Variants in B4GALT1 observed in about 807,000 individuals in gnomAD.
The protein encoded by B4GALT1 is N-acetyllactosamine synthase.
In B4GALT1, 16 loss-of-function variants were observed where a neutral mutation model predicts 34.9. That is an observed-to-expected ratio of 0.46 (90% confidence interval 0.31 to 0.70). B4GALT1 has a LOEUF of 0.70. B4GALT1 is among the 30% of genes least tolerant of loss of function. B4GALT1 has a pLI of 0.05. For synonymous variants in B4GALT1, 221 were observed against 218.1 expected, an observed-to-expected ratio of 1.01 and a Z score of -0.12; for missense variants, 445 against 530.5, an observed-to-expected ratio of 0.84 and a Z score of 1.58.
In B4GALT1 at chr9:33,113,326, G is replaced by A; in HGVS notation, c.*128C>T. 14 of 1,414,134 alleles carry A rather than the reference G, an allele frequency of 9.9e-6. No homozygotes were observed. The highest frequency in any genetic ancestry group is 1.4e-5 in the Non-Finnish European group (14 of 1,002,102). 87.6% of individuals were successfully genotyped at this position (1,414,134 alleles called of 1,614,324 possible). The stretch of plus-strand genomic sequence containing the variant: ...GTCCTGGTCATCTGGAAAGCCATCT[G>A]AATGATGAGCGAAGGGGACCTGTCA... On this transcript the variant is annotated 3_prime_UTR_variant, in exon 6 of 6. Coordinates refer to ENST00000379731, the MANE Select transcript of B4GALT1 (RefSeq NM_001497.4).
chr9:33,113,000 T>A lies in B4GALT1; in HGVS notation c.*454A>T, dbSNP rs569460810. The A allele has an allele frequency of 1.3e-4, 34 of 260,306 alleles. No homozygotes were observed. The highest frequency in any genetic ancestry group is 2.4e-4 in the Non-Finnish European group (31 of 131,270). 16.1% of individuals were successfully genotyped at this position (260,306 alleles called of 1,614,324 possible). A position where few individuals can be genotyped will look rare whatever the true frequency, so the allele number is the denominator to read the frequency against. On this transcript the variant is annotated 3_prime_UTR_variant, in exon 6 of 6. Coordinates refer to ENST00000379731, the MANE Select transcript of B4GALT1 (RefSeq NM_001497.4). Reference sequence around the variant, plus strand: ...ACGTAACATTAAGAATGGTTGAAATTTTGTGTTTTTCTGTTAAATTACAAC... The same window carrying A: ...ACGTAACATTAAGAATGGTTGAAATATTGTGTTTTTCTGTTAAATTACAAC...
At position 33,167,056 on chromosome 9, in the gene B4GALT1, G is replaced by C. The variant is rs968570114; in HGVS notation, c.114C>G (p.Leu38=). ...AVCALHLGVT[L]VYYLAGRDLS... ...GGTCGCGGCCAGCCAGGTAGTAAACGAGGGTGACGCCAAGGTGCAGAGCGC... is the reference window on the plus strand; with the variant it reads ...GGTCGCGGCCAGCCAGGTAGTAAACCAGGGTGACGCCAAGGTGCAGAGCGC... Residue 38 remains leucine (L), a synonymous_variant, in exon 1 of 6, where the codon CTC becomes CTG. Coordinates refer to ENST00000379731, the MANE Select transcript of B4GALT1 (RefSeq NM_001497.4). 2 of 1,602,330 alleles carry C rather than the reference G, an allele frequency of 1.2e-6. No individual in the cohort carries two copies. The highest frequency in any genetic ancestry group is 1.3e-5 in the African/African-American group (1 of 74,910).
chr9:33,137,084 T>C (rs1414914617), intron 1 of B4GALT1, among the ~76,000 whole-genome samples: 1 of 152,174 alleles, frequency 6.6e-6, no homozygotes, highest in African/African-American at 2.4e-5. Context: ...TTTGTTTTCT[T>C]CTGAGATACA....
chr9:33,139,343 A>G (rs1587739929), intron 1 of B4GALT1, among the ~76,000 whole-genome samples: 1 of 152,038 alleles, frequency 6.6e-6, no homozygotes, highest in Non-Finnish European at 1.5e-5. Flanking sequence ...TTATCACTGA[A>G]CAGCCTCTTC....
chr9:33,132,126 A>AG (rs1840201666), intron 2 of B4GALT1, among the ~76,000 whole-genome samples: 1 of 152,048 alleles, frequency 6.6e-6, no homozygotes, highest in Non-Finnish European at 1.5e-5. Flanking sequence ...GGAAAAGCAA[A>AG]GAAAAAAAAA....
chr9:33,165,516 A>C (rs1045025998), intron 1 of B4GALT1, among the ~76,000 whole-genome samples: 3 of 152,234 alleles, frequency 2.0e-5, no homozygotes, highest in African/African-American at 7.2e-5. Context: ...TTATTACCAC[A>C]GTTCACGTCT....
chr9:33,129,451 G>A (rs915060332), intron 2 of B4GALT1, among the ~76,000 whole-genome samples: 1 of 152,152 alleles, frequency 6.6e-6, no homozygotes, highest in Non-Finnish European at 1.5e-5. Context: ...CACTGGGAAC[G>A]GAGGCTTCAC....
upstream of B4GALT1, among the ~76,000 whole-genome samples, chr9:33,169,888 C>T (rs1298995650): frequency 6.6e-6 from 1 of 151,400 alleles, no homozygotes; most frequent in Non-Finnish European, 1.5e-5. Context: ...TTTCTGTTGT[C>T]TTGCCTCCCT....
At chr9:33,171,123 A>G (rs950514505), upstream of B4GALT1, among the ~76,000 whole-genome samples, 29 of 152,262 alleles carry the variant, frequency 1.9e-4, no homozygotes, top group African/African-American at 6.5e-4. Flanking sequence ...CAGTTATTTC[A>G]GTCATCTATT....
chr9:33,149,321 C>T (rs1840475930), intron 1 of B4GALT1, among the ~76,000 whole-genome samples: 1 of 151,562 alleles, frequency 6.6e-6, no homozygotes, highest in Admixed American at 6.6e-5. Context: ...CACTCTGTCA[C>T]CCTGGCTAGA....
intron 1 of B4GALT1, 143 bp downstream of exon 1, chr9:33,166,615 T>A (rs1407821893): frequency 2.8e-6 from 3 of 1,066,454 alleles, no homozygotes; most frequent in Non-Finnish European, 3.9e-6. Context: ...GTCCCAAGCC[T>A]CTGTCTGGGA....
At chr9:33,161,850 G>A (rs1292117909) in intron 1 of B4GALT1, among the ~76,000 whole-genome samples, 1 of 152,212 alleles carries the variant, frequency 6.6e-6, no homozygotes, top group Non-Finnish European at 1.5e-5. Flanking sequence ...ACAAGGTACA[G>A]GAGGCACTGG....
the B4GALT1 span, among the ~76,000 whole-genome samples, chr9:33,176,893 A>G: frequency 2.0e-5 from 3 of 152,208 alleles, no homozygotes; most frequent in Non-Finnish European, 2.9e-5. Context: ...ATATACTAAT[A>G]GAGTACAAAA....
At chr9:33,113,697 C>G (rs1037945037) in intron 5 of B4GALT1, 77 bp downstream of exon 5, 46 of 1,607,976 alleles carry the variant, frequency 2.9e-5, no homozygotes, top group Non-Finnish European at 3.7e-5. Context: ...CTCAATTTCC[C>G]TCTAGGCCCA....
At chr9:33,134,615 C>G (rs575500532) in intron 2 of B4GALT1, among the ~76,000 whole-genome samples, 30 of 152,338 alleles carry the variant, frequency 2.0e-4, no homozygotes, top group Non-Finnish European at 3.8e-4. Flanking sequence ...ACATATGGAT[C>G]AGACGAGCAG....
At chr9:33,128,069 A>G (rs1840139057) in intron 2 of B4GALT1, among the ~76,000 whole-genome samples, 1 of 152,168 alleles carries the variant, frequency 6.6e-6, no homozygotes, top group Non-Finnish European at 1.5e-5. Flanking sequence ...TGGCAGCAGC[A>G]GTGGCAGCGG....
chr9:33,122,827 T>C (rs1259259421), intron 2 of B4GALT1, among the ~76,000 whole-genome samples: 1 of 152,170 alleles, frequency 6.6e-6, no homozygotes, highest in East Asian at 1.9e-4. Context: ...CAGCTAATTC[T>C]GTGTAAGTCA....
rs367783242 is a variant in B4GALT1, at chr9:33,128,929, G to C, written c.648+6260C>G. 3.3e-5 allele frequency among the ~76,000 whole-genome samples: 5 copies of C among 152,302 alleles called. 1 individual carries two copies. The highest frequency in any genetic ancestry group is 1.2e-4 in the African/African-American group (5 of 41,566). ...GGTGACAGATACTCTTGCTCACTGA[G>C]GGTACAAAGGACTGTCTCCAAATCC... is the stretch of plus-strand genomic sequence containing the variant. On this transcript the variant is annotated intron_variant, in intron 2 of 5. Coordinates refer to ENST00000379731, the MANE Select transcript of B4GALT1 (RefSeq NM_001497.4).
intron 2 of B4GALT1, among the ~76,000 whole-genome samples, chr9:33,127,567 C>T (rs1840130760): frequency 6.6e-6 from 1 of 152,186 alleles, no homozygotes; most frequent in Non-Finnish European, 1.5e-5. Context: ...AACAAACCAA[C>T]ACAGAATAAA....
Sources: allele counts gnomAD v4.1 joint callset (sites outside exome capture counted in the v4.1 genomes callset), GRCh38; gene constraint gnomAD v4.1.1; transcripts MANE v1.5; gene names NCBI Gene and HGNC (gene_info 2026-07-23, HGNC 2026-07-21).